Variants in CTNNA3 observed in about 807,000 individuals in gnomAD.
CTNNA3 encodes catenin alpha 3.
In CTNNA3, 76 loss-of-function variants were observed where a neutral mutation model predicts 95.7. The ratio of observed to expected loss-of-function variants is 0.79; its 90% confidence interval spans 0.66 to 0.96. CTNNA3 has a LOEUF of 0.96. Among genes scored for constraint, CTNNA3 ranks in the 40% least tolerant of loss-of-function variants. CTNNA3 has a pLI of 0.00. For missense variants in CTNNA3, 1,191 were observed against 1,089.8 expected (o/e 1.09, Z -1.31); for synonymous variants, 431 against 374.4 (o/e 1.15, Z -1.74).
intron 5 of CTNNA3, among the ~76,000 whole-genome samples, chr10:67,511,405 A>AG (rs1839623130): frequency 6.6e-6 from 1 of 152,202 alleles, no homozygotes; most frequent in Non-Finnish European, 1.5e-5. Context: ...TTTAGCATGA[A>AG]GGCTGTTGAA....
intron 7 of CTNNA3, among the ~76,000 whole-genome samples, chr10:66,997,904 C>T (rs1029354043): frequency 6.6e-6 from 1 of 152,148 alleles, no homozygotes; most frequent in Non-Finnish European, 1.5e-5. Context: ...GACCTATTGA[C>T]TCTTCCTCCT....
chr10:67,432,256 T>G (rs1283551814), intron 5 of CTNNA3, among the ~76,000 whole-genome samples: 2 of 151,960 alleles, frequency 1.3e-5, no homozygotes, highest in Non-Finnish European at 2.9e-5. Context: ...AATTAGAAAT[T>G]AATAAAACAG....
At chr10:66,042,890 ACT>A (rs1335665544) in intron 15 of CTNNA3, among the ~76,000 whole-genome samples, 18 of 120,698 alleles carry the variant, frequency 1.5e-4, no homozygotes, top group African/African-American at 5.6e-4. Context: ...ACTGAGCGAG[ACT>A]CTGTCTCAAA....
chr10:67,472,736 C>T (rs1053018220), intron 5 of CTNNA3, among the ~76,000 whole-genome samples: 1 of 152,148 alleles, frequency 6.6e-6, no homozygotes, highest in African/African-American at 2.4e-5. Flanking sequence ...AGTAGCCTTC[C>T]TTTTGTTCCT....
chr10:66,579,731 G>T (rs1843121692), intron 10 of CTNNA3, among the ~76,000 whole-genome samples: 1 of 151,434 alleles, frequency 6.6e-6, no homozygotes. Context: ...CTTTATTTCT[G>T]AAGAGTATTT....
rs1840608629 is a variant in CTNNA3, at chr10:67,539,678, T to C, written c.293-9A>G. 3 of 1,612,676 alleles carry C rather than the reference T, an allele frequency of 1.9e-6. No individual in the cohort carries two copies. Among genetic ancestry groups the C allele is most frequent in the Non-Finnish European group, 2.5e-6 (3 of 1,179,054 alleles). On this transcript the variant is annotated splice_polypyrimidine_tract_variant and intron_variant, in intron 3 of 17. Transcript: ENST00000433211. ...TACTTTCAGAGCTTCACCTGAAAAA[T>C]ACAACCCCATATAAGTTATACTTTA...
At chr10:66,252,669 A>G (rs1327165584) in intron 13 of CTNNA3, among the ~76,000 whole-genome samples, 3 of 152,182 alleles carry the variant, frequency 2.0e-5, no homozygotes, top group Non-Finnish European at 4.4e-5. Context: ...CAAACAAAGA[A>G]CCAAGAACGA....
rs74638086 is a variant in CTNNA3, at chr10:66,016,612, C to T, written c.2160-27815G>A. 6.9e-3 allele frequency among the ~76,000 whole-genome samples: 1,046 copies of T among 152,068 alleles called. 13 individuals are homozygous for T. Among genetic ancestry groups the T allele is most frequent in the African/African-American group, 0.024 (1,001 of 41,484 alleles). On this transcript the variant is annotated intron_variant, in intron 15 of 17. Coordinates refer to ENST00000433211, the MANE Select transcript of CTNNA3 (RefSeq NM_013266.4). ...ACTGTCTAAAGAGTGAGTCTAATTCCATTGGGATTCTTTTTAAAAATTCTA... is the reference window on the plus strand; with the variant it reads ...ACTGTCTAAAGAGTGAGTCTAATTCTATTGGGATTCTTTTTAAAAATTCTA...
At chr10:66,471,024 G>A (rs1334629480) in intron 11 of CTNNA3, among the ~76,000 whole-genome samples, 1 of 151,700 alleles carries the variant, frequency 6.6e-6, no homozygotes, top group Non-Finnish European at 1.5e-5. Context: ...TAAAATGGAA[G>A]GAGAAAAAAC....
intron 1 of CTNNA3, among the ~76,000 whole-genome samples, chr10:67,674,507 T>C (rs1840500198): frequency 6.6e-6 from 1 of 152,106 alleles, no homozygotes; most frequent in African/African-American, 2.4e-5. Flanking sequence ...AGAATGTGTG[T>C]TCAGTTTCAA....
chr10:66,199,501 G>T (rs1056480695), intron 13 of CTNNA3, among the ~76,000 whole-genome samples: 3 of 151,314 alleles, frequency 2.0e-5, no homozygotes, highest in Non-Finnish European at 4.4e-5. Context: ...TGCTATGTAT[G>T]TATGGTCTTT....
chr10:66,589,869 G>C (rs1843487240), intron 10 of CTNNA3, among the ~76,000 whole-genome samples: 10 of 152,006 alleles, frequency 6.6e-5, no homozygotes, highest in Admixed American at 1.3e-4. Flanking sequence ...TGGGCTCAGT[G>C]TACTGTGATA....
intron 5 of CTNNA3, among the ~76,000 whole-genome samples, chr10:67,501,302 C>T (rs1012067368): frequency 6.6e-6 from 1 of 152,222 alleles, no homozygotes; most frequent in Non-Finnish European, 1.5e-5. Flanking sequence ...CCACTCTCTT[C>T]TGGCTTGTAG....
At chr10:67,305,137 G>C (rs970884694) in intron 5 of CTNNA3, among the ~76,000 whole-genome samples, 14 of 152,050 alleles carry the variant, frequency 9.2e-5, no homozygotes, top group African/African-American at 3.4e-4. Flanking sequence ...TTAGCAGGGA[G>C]TGGTGGGGGG....
chr10:66,305,956 C>T (rs926681007), intron 12 of CTNNA3, among the ~76,000 whole-genome samples: 2 of 152,144 alleles, frequency 1.3e-5, no homozygotes, highest in Admixed American at 6.5e-5. Flanking sequence ...TGAACAGTAT[C>T]CAAAGTCACA....
intron 11 of CTNNA3, among the ~76,000 whole-genome samples, chr10:66,452,824 C>G (rs967728406): frequency 1.3e-5 from 2 of 152,170 alleles, no homozygotes; most frequent in Non-Finnish European, 2.9e-5. Context: ...TGACTCCATG[C>G]AAGAAGATAA....
chr10:67,543,994 T>A (rs924886312), intron 3 of CTNNA3, among the ~76,000 whole-genome samples: 1 of 152,146 alleles, frequency 6.6e-6, no homozygotes, highest in African/African-American at 2.4e-5. Context: ...GTTTGACTAC[T>A]AGGAGCAAAC....
At chr10:66,387,836 A>G (rs920859751) in intron 11 of CTNNA3, among the ~76,000 whole-genome samples, 3 of 152,146 alleles carry the variant, frequency 2.0e-5, no homozygotes, top group Non-Finnish European at 2.9e-5. Flanking sequence ...TGAGCAAACT[A>G]TCACAAGGAC....
intron 12 of CTNNA3, among the ~76,000 whole-genome samples, chr10:66,366,384 T>C (rs576733033): frequency 7.2e-5 from 11 of 152,330 alleles, no homozygotes; most frequent in African/African-American, 2.6e-4. Flanking sequence ...ACTGCACAAA[T>C]TCTATGCTAT....
Sources: gnomAD v4.1 joint callset for allele counts (sites outside exome capture counted in the v4.1 genomes callset) on GRCh38, gnomAD v4.1.1 for gene constraint, MANE v1.5 for transcripts, NCBI Gene and HGNC (gene_info 2026-07-23, HGNC 2026-07-21) for gene names.